The following LDB2 variants were observed in gnomAD, a reference collection of about 807,000 sequenced individuals.
LDB2 encodes the protein LIM domain binding 2.
Under a neutral mutation model 44.3 loss-of-function variants are expected in LDB2, and 12 were observed. That is an observed-to-expected ratio of 0.27 (90% CI 0.17 to 0.44). LDB2 has a LOEUF of 0.44. Ranked by LOEUF, LDB2 falls within the 20% of genes least tolerant of loss-of-function variation. The pLI is 1.00. For synonymous variants in LDB2, 164 were observed against 174.8 expected, an observed-to-expected ratio of 0.94 and a Z score of 0.49; for missense variants, 344 against 473.5, an observed-to-expected ratio of 0.73 and a Z score of 2.54.
intron 2 of LDB2, among the ~76,000 whole-genome samples, chr4:16,648,997 C>A (rs906539688): frequency 7.9e-5 from 12 of 152,092 alleles, no homozygotes; most frequent in Admixed American, 3.3e-4. Flanking sequence ...TATAGACAGT[C>A]ACTGGTTTAA....
chr4:16,736,236 A>C (rs917638843), intron 2 of LDB2, among the ~76,000 whole-genome samples: 5 of 152,116 alleles, frequency 3.3e-5, no homozygotes, highest in African/African-American at 7.2e-5. Flanking sequence ...TGCTACATTC[A>C]CCTGCATGCC....
chr4:16,503,761 C>T (rs530913622), intron 7 of LDB2, among the ~76,000 whole-genome samples: 9 of 152,274 alleles, frequency 5.9e-5, no homozygotes, highest in African/African-American at 1.9e-4. Flanking sequence ...GAGATGGAAG[C>T]GTGCAAGAAG....
chr4:16,815,479 T>C (rs1002563663), intron 1 of LDB2, among the ~76,000 whole-genome samples: 3 of 152,244 alleles, frequency 2.0e-5, no homozygotes, highest in African/African-American at 7.2e-5. Flanking sequence ...TCTAAGGTTA[T>C]GTGGTGTTTA....
At chr4:16,701,182 C>T (rs969740741) in intron 2 of LDB2, among the ~76,000 whole-genome samples, 6 of 152,132 alleles carry the variant, frequency 3.9e-5, no homozygotes, top group African/African-American at 1.4e-4. Flanking sequence ...ACTTTTTTCT[C>T]GATTGTGATT....
intron 1 of LDB2, among the ~76,000 whole-genome samples, chr4:16,763,648 G>C (rs1768495669): frequency 6.6e-6 from 1 of 152,086 alleles, no homozygotes; most frequent in South Asian, 2.1e-4. Flanking sequence ...GAGGGCCCAG[G>C]GTTAATGTTA....
intron 5 of LDB2, among the ~76,000 whole-genome samples, chr4:16,538,196 A>G (rs1056830547): frequency 6.6e-6 from 1 of 152,156 alleles, no homozygotes; most frequent in Non-Finnish European, 1.5e-5. Context: ...ATCACTCTCC[A>G]GTGAGCCTGG....
intron 1 of LDB2, among the ~76,000 whole-genome samples, chr4:16,820,681 G>C (rs1781784658): frequency 6.6e-6 from 1 of 152,094 alleles, no homozygotes; most frequent in Admixed American, 6.5e-5. Flanking sequence ...CTCTTCATGT[G>C]AATATGCAGC....
chr4:16,731,782 C>G (rs1295241620), intron 2 of LDB2, among the ~76,000 whole-genome samples: 1 of 152,166 alleles, frequency 6.6e-6, no homozygotes, highest in East Asian at 1.9e-4. Flanking sequence ...CTCCACATCC[C>G]TTGGTCTGGC....
At chr4:16,818,276 T>G (rs1215369283) in intron 1 of LDB2, among the ~76,000 whole-genome samples, 1 of 152,180 alleles carries the variant, frequency 6.6e-6, no homozygotes, top group Non-Finnish European at 1.5e-5. Context: ...GCTATCAGTC[T>G]ACTTAAAGAC....
chr4:16,508,702 G>C lies in LDB2; in HGVS notation c.740-16C>G. 1 of 1,612,058 alleles carries C rather than the reference G, an allele frequency of 6.2e-7. No individual in the cohort carries two copies. Among genetic ancestry groups the C allele is most frequent in the African/African-American group, 1.3e-5 (1 of 74,992 alleles). ...GTGGGTTCTGCTGCAATATGGAAAA[G>C]GGAAGAGGGATCAGTTCTAGGGCAA... On this transcript the variant is annotated splice_polypyrimidine_tract_variant and intron_variant, in intron 6 of 7. Coordinates refer to ENST00000304523, the MANE Select transcript of LDB2 (RefSeq NM_001290.5).
chr4:16,737,609 G>T (rs1166434292), intron 2 of LDB2, among the ~76,000 whole-genome samples: 1 of 152,036 alleles, frequency 6.6e-6, no homozygotes, highest in Non-Finnish European at 1.5e-5. Context: ...CATTTCAGAG[G>T]CATTAAAAGG....
Position 16,502,692 on chromosome 4 carries a change from G to T in LDB2, c.1073C>A (p.Ala358Asp). 1 of 1,613,854 alleles carries T rather than the reference G, an allele frequency of 6.2e-7. No individual in the cohort carries two copies. The highest frequency in any genetic ancestry group is 8.5e-7 in the Non-Finnish European group (1 of 1,179,822). The change falls in exon 8 of 8, where the codon GCC becomes GAC. Residue 358 changes from alanine to aspartate, a missense_variant. Ala to Asp is a moderately radical substitution (Grantham distance 126, BLOSUM62 -2). Around this residue, in one of 3 missense-constraint regions of LDB2, gnomAD observed 32 missense variants for 32.3 expected, o/e 0.99. Coordinates refer to ENST00000304523, the MANE Select transcript of LDB2 (RefSeq NM_001290.5). Reference sequence around the variant, plus strand: ...GTTTTCTGATTTGGTCTCTTGAGTGGCGGGAGGTTTACTGTTCCACGGGCT... The same window carrying T: ...GTTTTCTGATTTGGTCTCTTGAGTGTCGGGAGGTTTACTGTTCCACGGGCT... ...NNSPWNSKPP[A>D]TQETKSENPP...
chr4:16,665,974 G>T (rs541530318), intron 2 of LDB2, among the ~76,000 whole-genome samples: 1 of 152,276 alleles, frequency 6.6e-6, no homozygotes, highest in African/African-American at 2.4e-5. Context: ...AATACAAGAA[G>T]CCAGGATGGG....
intron 2 of LDB2, among the ~76,000 whole-genome samples, chr4:16,660,880 G>A (rs1391774863): frequency 6.6e-6 from 1 of 152,120 alleles, no homozygotes; most frequent in Non-Finnish European, 1.5e-5. Context: ...GTGTGGCCCA[G>A]TCTAATTCAG....
At chr4:16,758,579 T>C (rs1445504891) in intron 2 of LDB2, among the ~76,000 whole-genome samples, 2 of 152,202 alleles carry the variant, frequency 1.3e-5, no homozygotes, top group Non-Finnish European at 2.9e-5. Flanking sequence ...TGCCACACGC[T>C]GTAATTTGAG....
chr4:16,627,225 G>A (rs542097742), intron 2 of LDB2, among the ~76,000 whole-genome samples: 4 of 152,238 alleles, frequency 2.6e-5, no homozygotes, highest in African/African-American at 7.2e-5. Flanking sequence ...GATTTGACAC[G>A]TTATATGCTT....
intron 1 of LDB2, among the ~76,000 whole-genome samples, chr4:16,775,370 G>A (rs890704559): frequency 5.9e-5 from 9 of 152,130 alleles, no homozygotes; most frequent in African/African-American, 1.9e-4. Flanking sequence ...GAGGACCTGG[G>A]TCTAGACATC....
At chr4:16,704,135 G>A (rs1342491728) in intron 2 of LDB2, among the ~76,000 whole-genome samples, 2 of 152,152 alleles carry the variant, frequency 1.3e-5, no homozygotes, top group African/African-American at 4.8e-5. Flanking sequence ...ACTGATGCCT[G>A]AGAAAGTCTC....
chr4:16,704,993 G>A (rs1754299895), intron 2 of LDB2, among the ~76,000 whole-genome samples: 1 of 152,084 alleles, frequency 6.6e-6, no homozygotes, highest in Admixed American at 6.6e-5. Context: ...AGGATCTTTG[G>A]CTTAAGAGGA....
Sources: allele counts gnomAD v4.1 joint callset (sites outside exome capture counted in the v4.1 genomes callset), GRCh38; gene constraint gnomAD v4.1.1; regional missense constraint gnomAD v4.1.1; transcripts MANE v1.5; gene names NCBI Gene and HGNC (gene_info 2026-07-23, HGNC 2026-07-21).